Variants in FBXO42 observed in about 807,000 individuals in gnomAD.
FBXO42 encodes the protein F-box protein 42.
FBXO42 carries 12 observed loss-of-function variants against 71.7 expected under a neutral mutation model. The ratio of observed to expected loss-of-function variants is 0.17; its 90% CI spans 0.11 to 0.27. FBXO42 has a LOEUF of 0.27. FBXO42 is among the 10% of genes least tolerant of loss of function. The pLI is 1.00. For missense variants in FBXO42, 707 were observed against 911.9 expected (o/e 0.78, Z 2.89); for synonymous variants, 325 against 327.5 (o/e 0.99, Z 0.08).
rs756842334 is a variant in FBXO42 at position 16,266,898 on chromosome 1, G to C, written c.503-10139C>G. Reference sequence around the variant, plus strand: ...TAGCGTGGCACATATAACTTTGAAGGAAACAGATTCCTTAAAGAAAAACTG... The same window carrying C: ...TAGCGTGGCACATATAACTTTGAAGCAAACAGATTCCTTAAAGAAAAACTG... On this transcript the variant is annotated intron_variant, in intron 4 of 9. Transcript: ENST00000375592. 3.7e-4 allele frequency among the ~76,000 whole-genome samples: 57 copies of C among 152,242 alleles called. 1 individual carries two copies. The highest frequency in any genetic ancestry group is 3.9e-4 in the Admixed American group (6 of 15,284).
chr1:16,297,367 G>T lies in FBXO42; in HGVS notation c.368-2450C>A, dbSNP rs146316160. Among the ~76,000 whole-genome samples the T allele has an allele frequency of 8.3e-3, 1,256 of 152,240 alleles. 12 individuals are homozygous for T. The highest frequency in any genetic ancestry group is 0.012 in the Non-Finnish European group (824 of 68,028). ...AGGTAATGAAAGCAGTATGTTTAGT[G>T]CCTTAAACCCCATAATCTCAGTCAG... is the stretch of plus-strand genomic sequence containing the variant. On this transcript the variant is annotated intron_variant, in intron 3 of 9. Transcript: ENST00000375592.
chr1:16,286,270 A>C (rs1032949182), intron 4 of FBXO42, among the ~76,000 whole-genome samples: 1 of 152,146 alleles, frequency 6.6e-6, no homozygotes, highest in African/African-American at 2.4e-5. Flanking sequence ...GCTATGAAGA[A>C]ATACCCAAGA....
chr1:16,295,552 A>T (rs1361193412), intron 3 of FBXO42, among the ~76,000 whole-genome samples: 1 of 151,942 alleles, frequency 6.6e-6, no homozygotes, highest in Non-Finnish European at 1.5e-5. Context: ...CACCACACCC[A>T]GCTAATTTTT....
rs551558102 is a variant in FBXO42, at chr1:16,300,190, A to G, written c.368-5273T>C. On this transcript the variant is annotated intron_variant, in intron 3 of 9. Coordinates refer to ENST00000375592, the MANE Select transcript of FBXO42 (RefSeq NM_018994.3). ...AACATCTAGACCACTAGAATGTGCT[A>G]TACAGTTACAGCTCACAGTACAGTA... 5.3e-5 allele frequency among the ~76,000 whole-genome samples: 8 copies of G among 152,324 alleles called. No individual in the cohort carries two copies. The South Asian group carries it at 1.4e-3, about 28-fold the overall frequency.
intron 4 of FBXO42, among the ~76,000 whole-genome samples, chr1:16,280,021 A>AT (rs1054310096): frequency 5.9e-5 from 9 of 151,704 alleles, no homozygotes; most frequent in Non-Finnish European, 8.8e-5. Flanking sequence ...TAATTTTTGT[A>AT]TTTTTTAGTA....
chr1:16,313,675 T>G (rs1017737698), intron 2 of FBXO42, among the ~76,000 whole-genome samples: 3 of 152,222 alleles, frequency 2.0e-5, no homozygotes, highest in African/African-American at 4.8e-5. Context: ...AAGGACTCCA[T>G]GAGAACCACC....
chr1:16,337,951 A>G (rs2082567915), intron 1 of FBXO42, among the ~76,000 whole-genome samples: 2 of 143,826 alleles, frequency 1.4e-5, no homozygotes, highest in Admixed American at 1.5e-4. Flanking sequence ...TCACGCCTAC[A>G]CTTTGGGAGG....
At chr1:16,308,838 G>T (rs927161814) in intron 2 of FBXO42, among the ~76,000 whole-genome samples, 1 of 142,724 alleles carries the variant, frequency 7.0e-6, no homozygotes, top group Non-Finnish European at 1.5e-5. Flanking sequence ...CCACCTCCCA[G>T]GTTCAAATGA....
intron 4 of FBXO42, 138 bp from the exon 5 acceptor site, chr1:16,256,897 A>G: frequency 1.3e-6 from 1 of 789,300 alleles, no homozygotes; most frequent in Non-Finnish European, 1.9e-6. Context: ...AAAGGTGGAA[A>G]GAAAACTGGG....
intron 4 of FBXO42, among the ~76,000 whole-genome samples, chr1:16,279,269 A>G (rs1255619350): frequency 6.6e-6 from 1 of 152,172 alleles, no homozygotes; most frequent in Admixed American, 6.6e-5. Flanking sequence ...GAATAGCCCT[A>G]AAAAAACAAA....
At chr1:16,316,234 C>T (rs913033782) in intron 1 of FBXO42, among the ~76,000 whole-genome samples, 25 of 150,170 alleles carry the variant, frequency 1.7e-4, no homozygotes, top group Non-Finnish European at 2.4e-4. Context: ...TTATGCAAGA[C>T]GATTCACTTA....
chr1:16,267,180 T>C (rs1191260663), intron 4 of FBXO42, among the ~76,000 whole-genome samples: 1 of 152,244 alleles, frequency 6.6e-6, no homozygotes, highest in Non-Finnish European at 1.5e-5. Flanking sequence ...GAACAGATAC[T>C]AGTTTCTCTT....
In FBXO42 at chr1:16,334,156, G is replaced by C. The variant is rs138602955; in HGVS notation, c.-18+18099C>G. 6.1e-3 allele frequency among the ~76,000 whole-genome samples: 929 copies of C among 152,242 alleles called. 6 individuals carry two copies. Among genetic ancestry groups the C allele is most frequent in the African/African-American group, 0.021 (890 of 41,566 alleles). ...CTTCATTTAAGACTGATTCTAGGCCGGGCCCGGTGGCTCACGCCTGTAATC... is the reference window on the plus strand; with the variant it reads ...CTTCATTTAAGACTGATTCTAGGCCCGGCCCGGTGGCTCACGCCTGTAATC... On this transcript the variant is annotated intron_variant, in intron 1 of 9. Coordinates refer to ENST00000375592, the MANE Select transcript of FBXO42 (RefSeq NM_018994.3).
At chr1:16,329,262 C>T (rs1199734328) in intron 1 of FBXO42, among the ~76,000 whole-genome samples, 1 of 151,248 alleles carries the variant, frequency 6.6e-6, no homozygotes, top group Admixed American at 6.6e-5. Flanking sequence ...AACAACTGGG[C>T]CATAAAATAA....
intron 1 of FBXO42, among the ~76,000 whole-genome samples, chr1:16,316,103 G>A (rs1034259789): frequency 6.9e-6 from 1 of 145,542 alleles, no homozygotes; most frequent in East Asian, 2.1e-4. Flanking sequence ...CTGGGAGGCA[G>A]AGTTGCAGTG....
chr1:16,328,695 G>C (rs1335839634), intron 1 of FBXO42, among the ~76,000 whole-genome samples: 1 of 152,112 alleles, frequency 6.6e-6, no homozygotes, highest in Non-Finnish European at 1.5e-5. Context: ...GGGCCTACAA[G>C]TAATAAGCAT....
At position 16,342,835 on chromosome 1, in the gene FBXO42, G is replaced by T. The variant is rs1430058114; in HGVS notation, c.-18+9420C>A. On this transcript the variant is annotated intron_variant, in intron 1 of 9. Coordinates refer to ENST00000375592, the MANE Select transcript of FBXO42 (RefSeq NM_018994.3). ...GACTTGGTGCTGTTCTCCTGGTAGT[G>T]AGTGAGTTCTGGCTCTCCGAAACTA... Among the ~76,000 whole-genome samples, 4 of 152,192 alleles carry T rather than the reference G, an allele frequency of 2.6e-5. No homozygotes were observed. The East Asian group carries it at 7.7e-4, about 29-fold the overall frequency.
At chr1:16,343,969 A>T (rs1383526606) in intron 1 of FBXO42, among the ~76,000 whole-genome samples, 7 of 151,354 alleles carry the variant, frequency 4.6e-5, no homozygotes, top group Admixed American at 1.3e-4. Flanking sequence ...AAAAAAAACA[A>T]CAACAAAAAA....
intron 2 of FBXO42, among the ~76,000 whole-genome samples, chr1:16,313,013 T>C (rs1462925813): frequency 6.6e-6 from 1 of 152,092 alleles, no homozygotes; most frequent in Non-Finnish European, 1.5e-5. Flanking sequence ...CAGGCTGGTC[T>C]TGAACTCTTG....
Sources: allele counts gnomAD v4.1 joint callset (sites outside exome capture counted in the v4.1 genomes callset), GRCh38; gene constraint gnomAD v4.1.1; transcripts MANE v1.5; gene names NCBI Gene and HGNC (gene_info 2026-07-23, HGNC 2026-07-21).